Variants in ADAM10 observed in about 807,000 individuals in gnomAD.
The protein encoded by ADAM10 is ADAM metallopeptidase domain 10.
Under a neutral mutation model 90.1 loss-of-function variants are expected in ADAM10, and 17 were observed. The observed-to-expected ratio is 0.19, with a 90% CI of 0.13 to 0.28. The LOEUF is 0.28. ADAM10 is among the 10% of genes least tolerant of loss of function. ADAM10 has a pLI of 1.00. For missense variants in ADAM10, 610 were observed against 914.3 expected (o/e 0.67, Z 4.29); for synonymous variants, 310 against 298.6 (o/e 1.04, Z -0.40).
At chr15:58,614,760 C>CA (rs200340236) in intron 11 of ADAM10, among the ~76,000 whole-genome samples, 35 of 151,258 alleles carry the variant, frequency 2.3e-4, no homozygotes, top group African/African-American at 6.8e-4. Flanking sequence ...CACCTGGAAG[C>CA]AAAAAAAACC....
At chr15:58,713,814 T>C (rs1567008459) in intron 2 of ADAM10, among the ~76,000 whole-genome samples, 1 of 150,202 alleles carries the variant, frequency 6.7e-6, no homozygotes, top group African/African-American at 2.5e-5. Flanking sequence ...AGAATTCTTT[T>C]CTTTTTTTTT....
chr15:58,747,494 A>C (rs1166077471), intron 1 of ADAM10: 1 of 152,242 alleles, frequency 6.6e-6, no homozygotes, highest in Non-Finnish European at 1.5e-5. Context: ...AATGTGCTGA[A>C]GTCTACAAAT....
rs61664367 is a variant in ADAM10, at chr15:58,599,125, C to T, written c.2152+473G>A. On this transcript the variant is annotated intron_variant, in intron 15 of 15. Coordinates refer to ENST00000260408, the MANE Select transcript of ADAM10 (RefSeq NM_001110.4). The stretch of plus-strand genomic sequence containing the variant: ...GGATTGCTTGAGCTCAGGAGTAAGT[C>T]CAGCCTGGGCAACACAGTGAGAGAA... Among the ~76,000 whole-genome samples, 597 of 143,016 alleles carry T rather than the reference C, an allele frequency of 4.2e-3. 2 individuals are homozygous for T. The highest frequency in any genetic ancestry group is 0.015 in the African/African-American group (568 of 38,522). 93.8% of individuals were successfully genotyped at this position (143,016 alleles called of 152,430 possible).
chr15:58,689,207 C>A (rs1210327240), intron 2 of ADAM10, among the ~76,000 whole-genome samples: 1 of 152,050 alleles, frequency 6.6e-6, no homozygotes, highest in African/African-American at 2.4e-5. Context: ...GCAAGCAGGC[C>A]GGGCGTGGTG....
intron 2 of ADAM10, among the ~76,000 whole-genome samples, chr15:58,706,947 T>G (rs1186519811): frequency 1.4e-5 from 2 of 142,066 alleles, no homozygotes; most frequent in African/African-American, 5.3e-5. Context: ...ACACAGAGGT[T>G]GCAGTGAGCT....
chr15:58,678,458 A>G (rs1055662509), intron 4 of ADAM10, among the ~76,000 whole-genome samples: 5 of 152,194 alleles, frequency 3.3e-5, no homozygotes, highest in Admixed American at 6.5e-5. Flanking sequence ...ATAAATGGGT[A>G]TTCAAGAGCT....
At chr15:58,749,332 G>A in intron 1 of ADAM10, 148 bp downstream of exon 1, 1 of 1,098,436 alleles carries the variant, frequency 9.1e-7, no homozygotes. Context: ...GGGACAATAG[G>A]GAGCGGGGAG....
intron 2 of ADAM10, among the ~76,000 whole-genome samples, chr15:58,703,297 A>C (rs1404332727): frequency 6.6e-6 from 1 of 151,468 alleles, no homozygotes; most frequent in Non-Finnish European, 1.5e-5. Context: ...CCCTCAAAAA[A>C]AAAAAAAAAA....
At chr15:58,645,371 TCTC>T (rs1161979017) in intron 6 of ADAM10, among the ~76,000 whole-genome samples, 4 of 152,218 alleles carry the variant, frequency 2.6e-5, no homozygotes, top group Non-Finnish European at 4.4e-5. Context: ...TCCAATTTCT[TCTC>T]CTTTGGTTTC....
Position 58,659,279 on chromosome 15 carries a change from GA to G in ADAM10, c.585+5817del, listed in dbSNP as rs113861487. Among the ~76,000 whole-genome samples the G allele has an allele frequency of 4.9e-3, 673 of 135,960 alleles. 5 individuals are homozygous for G. The highest frequency in any genetic ancestry group is 0.017 in the African/African-American group (620 of 37,106). 89.2% of individuals were successfully genotyped at this position (135,960 alleles called of 152,430 possible). On this transcript the variant is annotated intron_variant, in intron 5 of 15. Coordinates refer to ENST00000260408, the MANE Select transcript of ADAM10 (RefSeq NM_001110.4). ...CAGAGCGAGAATCCGTCTCAAAAAA[GA>G]AAAAAAAAAAGCTTTTATTCCTGGT...
chr15:58,641,128 A>G (rs1199644946), intron 7 of ADAM10, among the ~76,000 whole-genome samples, 168 bp from the exon 8 acceptor site: 1 of 152,214 alleles, frequency 6.6e-6, no homozygotes, highest in East Asian at 1.9e-4. Flanking sequence ...TGAGCTGATC[A>G]CAGAAGGCAA....
chr15:58,637,029 G>A (rs1241345696), intron 8 of ADAM10, among the ~76,000 whole-genome samples: 2 of 152,174 alleles, frequency 1.3e-5, no homozygotes, highest in Admixed American at 6.5e-5. Context: ...AATAGCAAGT[G>A]TCCTATTGCA....
intron 2 of ADAM10, chr15:58,691,642 G>C (rs1453871464): frequency 5.2e-6 from 2 of 385,750 alleles, no homozygotes; most frequent in Admixed American, 6.7e-5. Flanking sequence ...TCTTCTGCCA[G>C]CCCAGAGAAG....
chr15:58,689,955 A>G (rs1426415151), intron 2 of ADAM10, among the ~76,000 whole-genome samples: 1 of 130,006 alleles, frequency 7.7e-6, no homozygotes, highest in African/African-American at 2.8e-5. Flanking sequence ...CCCCCCCCAA[A>G]AAAAAAAAAA....
intron 5 of ADAM10, among the ~76,000 whole-genome samples, chr15:58,654,921 T>C (rs1322876926): frequency 3.3e-5 from 5 of 152,228 alleles, no homozygotes; most frequent in African/African-American, 9.6e-5. Context: ...ATATGGTCTA[T>C]TCTTGAGAAT....
intron 8 of ADAM10, among the ~76,000 whole-genome samples, chr15:58,637,302 A>T (rs1209067178): frequency 6.6e-6 from 1 of 152,258 alleles, no homozygotes; most frequent in Non-Finnish European, 1.5e-5. Context: ...GATGAATTCC[A>T]AAGCCAGCCT....
chr15:58,590,118 G>C lies in ADAM10; in HGVS notation c.*7429C>G, dbSNP rs1894794937. ...AAACTCTCTTCATCCATCATATTTT[G>C]ACTCAAGCATCACTTTCATAAGGAA... On this transcript the variant is annotated 3_prime_UTR_variant, in exon 16 of 16. Coordinates refer to ENST00000260408, the MANE Select transcript of ADAM10 (RefSeq NM_001110.4). 1 of 151,958 alleles carries C rather than the reference G, an allele frequency of 6.6e-6. No homozygotes were observed. Among genetic ancestry groups the C allele is most frequent in the South Asian group, 2.1e-4 (1 of 4,830 alleles). 9.4% of individuals were successfully genotyped at this position (151,958 alleles called of 1,614,324 possible). A position where few individuals can be genotyped will look rare whatever the true frequency, so the allele number is the denominator to read the frequency against.
At chr15:58,630,440 T>A (rs1443699658) in intron 9 of ADAM10, among the ~76,000 whole-genome samples, 1 of 152,044 alleles carries the variant, frequency 6.6e-6, no homozygotes, top group Non-Finnish European at 1.5e-5. Flanking sequence ...ACCCCAAACA[T>A]TAAGATAAGG....
Position 58,597,492 on chromosome 15 carries a change from T to C in ADAM10, c.*55A>G, listed in dbSNP as rs1239776928. The stretch of plus-strand genomic sequence containing the variant: ...GATGATGACTTAATAGGTTTCTCTT[T>C]GGAGTGAAGTTTTCCCATTGTAGGC... On this transcript the variant is annotated 3_prime_UTR_variant, in exon 16 of 16. Coordinates refer to ENST00000260408, the MANE Select transcript of ADAM10 (RefSeq NM_001110.4). 1.2e-6 allele frequency: 2 copies of C among 1,613,710 alleles called. No individual in the cohort carries two copies. Among genetic ancestry groups the C allele is most frequent in the Non-Finnish European group, 8.5e-7 (1 of 1,179,840 alleles).
Sources: gnomAD v4.1 joint callset for allele counts (sites outside exome capture counted in the v4.1 genomes callset) on GRCh38, gnomAD v4.1.1 for gene constraint, MANE v1.5 for transcripts, NCBI Gene and HGNC (gene_info 2026-07-23, HGNC 2026-07-21) for gene names.